The following NR3C2 variants were observed in gnomAD, a reference collection of about 807,000 sequenced individuals.
NR3C2 encodes the protein nuclear receptor subfamily 3 group C member 2.
Under a neutral mutation model 86.4 loss-of-function variants are expected in NR3C2, and 15 were observed. The ratio of observed to expected loss-of-function variants is 0.17; its 90% CI spans 0.12 to 0.27. The LOEUF (loss-of-function observed/expected upper bound fraction) is 0.27. Ranked by LOEUF, NR3C2 falls within the 10% of genes least tolerant of loss-of-function variation. The probability of loss-of-function intolerance (pLI) is 1.00; values close to 1 mark genes in which losing one functional copy is unlikely to be tolerated. For synonymous variants in NR3C2, 458 were observed against 450.5 expected (o/e 1.02, Z -0.21); for missense variants, 960 against 1,195.6 (o/e 0.80, Z 2.91).
At chr4:148,299,507 G>A (rs1458388046) in intron 2 of NR3C2, among the ~76,000 whole-genome samples, 10 of 152,154 alleles carry the variant, frequency 6.6e-5, no homozygotes, top group East Asian at 5.8e-4. Context: ...GGCAAGCAGC[G>A]GCTCCCGGAC....
chr4:148,107,828 ACAAACCGGGG>A (rs917431715), intron 8 of NR3C2, among the ~76,000 whole-genome samples: 3 of 152,128 alleles, frequency 2.0e-5, no homozygotes, highest in Non-Finnish European at 4.4e-5. Context: ...GGGGCACAAC[ACAAACCGGGG>A]CCTATTTGGA....
At chr4:148,228,581 C>T (rs911618012) in intron 3 of NR3C2, among the ~76,000 whole-genome samples, 17 of 152,154 alleles carry the variant, frequency 1.1e-4, no homozygotes, top group African/African-American at 3.9e-4. Flanking sequence ...CTGTCAGATA[C>T]ATGCTGCAAA....
intron 2 of NR3C2, among the ~76,000 whole-genome samples, chr4:148,299,217 A>G (rs1742207622): frequency 6.6e-6 from 1 of 152,166 alleles, no homozygotes; most frequent in African/African-American, 2.4e-5. Context: ...TGAACTAAGG[A>G]GCAAAAAAGC....
chr4:148,309,777 G>A (rs1305091567), intron 2 of NR3C2, among the ~76,000 whole-genome samples: 2 of 152,112 alleles, frequency 1.3e-5, no homozygotes, highest in Non-Finnish European at 2.9e-5. Context: ...GATTGTCCAA[G>A]TTCCCATGAC....
At chr4:148,358,365 G>A (rs1268777367) in intron 2 of NR3C2, among the ~76,000 whole-genome samples, 6 of 150,484 alleles carry the variant, frequency 4.0e-5, no homozygotes, top group African/African-American at 7.3e-5. Flanking sequence ...GTCAAATATC[G>A]CAAGAACAAA....
intron 2 of NR3C2, among the ~76,000 whole-genome samples, chr4:148,379,123 G>A (rs1746828451): frequency 6.6e-6 from 1 of 152,086 alleles, no homozygotes; most frequent in African/African-American, 2.4e-5. Context: ...AAAAGGACTG[G>A]AAATTAAAAT....
At position 148,415,242 on chromosome 4, in the gene NR3C2, C is replaced by G. The variant is rs1748934325; in HGVS notation, c.1757+19862G>C. Among the ~76,000 whole-genome samples the G allele has an allele frequency of 3.9e-5, 6 of 152,060 alleles. No individual in the cohort carries two copies. The South Asian group carries it at 1.2e-3, about 32-fold the overall frequency. On this transcript the variant is annotated intron_variant, in intron 2 of 8. Transcript: ENST00000358102. ...CCTGAAAGAACCATTCTTACAGGAT[C>G]GCAGGAACTGAAGGAGTCAAATTTC...
At chr4:148,389,110 C>A (rs943163466) in intron 2 of NR3C2, among the ~76,000 whole-genome samples, 1 of 152,156 alleles carries the variant, frequency 6.6e-6, no homozygotes, top group African/African-American at 2.4e-5. Flanking sequence ...TTTCATCTAC[C>A]AAGGCATTAC....
At chr4:148,240,384 G>A (rs1317971774) in intron 3 of NR3C2, among the ~76,000 whole-genome samples, 1 of 151,758 alleles carries the variant, frequency 6.6e-6, no homozygotes, top group Non-Finnish European at 1.5e-5. Flanking sequence ...GTCACATGTG[G>A]CCAGTGTCTA....
intron 8 of NR3C2, among the ~76,000 whole-genome samples, chr4:148,093,827 A>C (rs1402081189): frequency 2.6e-5 from 4 of 152,230 alleles, no homozygotes; most frequent in African/African-American, 9.6e-5. Flanking sequence ...TAGGCAATGA[A>C]AGGAAAAAAG....
At chr4:148,259,824 T>G (rs1201673916) in intron 3 of NR3C2, 154 bp downstream of exon 3, 1 of 914,342 alleles carries the variant, frequency 1.1e-6, no homozygotes, top group African/African-American at 1.7e-5. Context: ...AATCTCCAGG[T>G]GGTTTTTATA....
chr4:148,311,305 TA>T (rs1742888145), intron 2 of NR3C2, among the ~76,000 whole-genome samples: 1 of 152,184 alleles, frequency 6.6e-6, no homozygotes, highest in African/African-American at 2.4e-5. Context: ...CATATCCACG[TA>T]AATGTCTAAT....
At chr4:148,290,657 A>T (rs1741754297) in intron 2 of NR3C2, among the ~76,000 whole-genome samples, 1 of 152,252 alleles carries the variant, frequency 6.6e-6, no homozygotes, top group Non-Finnish European at 1.5e-5. Context: ...TTTTGAAGGC[A>T]TATATACCTG....
At chr4:148,215,865 T>C (rs997070813) in intron 3 of NR3C2, among the ~76,000 whole-genome samples, 1 of 147,684 alleles carries the variant, frequency 6.8e-6, no homozygotes, top group Non-Finnish European at 1.5e-5. Flanking sequence ...CTGCAAGCCC[T>C]GCCTCCTGGG....
intron 6 of NR3C2, among the ~76,000 whole-genome samples, chr4:148,125,470 A>G (rs752074417): frequency 2.6e-5 from 4 of 152,208 alleles, no homozygotes; most frequent in African/African-American, 7.2e-5. Flanking sequence ...TCTGTATTCA[A>G]TAGTCAGTGG....
intron 2 of NR3C2, among the ~76,000 whole-genome samples, chr4:148,319,882 C>T (rs1363472453): frequency 7.1e-6 from 1 of 139,998 alleles, no homozygotes; most frequent in African/African-American, 2.8e-5. Flanking sequence ...CTTCTCCTGC[C>T]TAATTGCCCT....
At chr4:148,187,951 T>C (rs1175221870) in intron 4 of NR3C2, among the ~76,000 whole-genome samples, 1 of 152,224 alleles carries the variant, frequency 6.6e-6, no homozygotes, top group African/African-American at 2.4e-5. Context: ...CAGGCAATTA[T>C]CCCAGCACCA....
chr4:148,334,678 T>C (rs978138696), intron 2 of NR3C2, among the ~76,000 whole-genome samples: 2 of 152,246 alleles, frequency 1.3e-5, no homozygotes, highest in African/African-American at 2.4e-5. Context: ...AAAAAGTGTC[T>C]GTAGCTATCA....
chr4:148,355,563 C>T (rs1451954757), intron 2 of NR3C2, among the ~76,000 whole-genome samples: 1 of 152,188 alleles, frequency 6.6e-6, no homozygotes, highest in Non-Finnish European at 1.5e-5. Flanking sequence ...CTCTGTACTC[C>T]TGGGGCACCT....
Sources: gnomAD v4.1 joint callset for allele counts (sites outside exome capture counted in the v4.1 genomes callset) on GRCh38, gnomAD v4.1.1 for gene constraint, MANE v1.5 for transcripts, NCBI Gene and HGNC (gene_info 2026-07-23, HGNC 2026-07-21) for gene names.